The following TASP1 variants were observed in gnomAD, a reference collection of about 807,000 sequenced individuals.
TASP1 encodes taspase 1.
Under a neutral mutation model 56.6 loss-of-function variants are expected in TASP1, and 16 were observed. The observed-to-expected ratio is 0.28, with a 90% CI of 0.19 to 0.43. The LOEUF (loss-of-function observed/expected upper bound fraction) is 0.43, where lower values mean the gene tolerates loss of function less well. Ranked by LOEUF, TASP1 falls within the 20% of genes least tolerant of loss-of-function variation. The probability of loss-of-function intolerance (pLI) is 1.00; values close to 1 mark genes in which losing one functional copy is unlikely to be tolerated. For missense variants in TASP1, 393 were observed against 511.6 expected (o/e 0.77, Z 2.24); for synonymous variants, 179 against 184.2 (o/e 0.97, Z 0.23).
chr20:13,586,569 T>G lies in TASP1; in HGVS notation c.403+681A>C, dbSNP rs539689410. On this transcript the variant is annotated intron_variant, in intron 5 of 13. Coordinates refer to ENST00000337743, the MANE Select transcript of TASP1 (RefSeq NM_017714.3). ...TCCTTCCAGGATTATGAAAATGTTC[T>G]ACCTTTTGACATGGAAATGTTTAAT... Among the ~76,000 whole-genome samples, 114 of 152,314 alleles carry G rather than the reference T, an allele frequency of 7.5e-4. 2 individuals carry two copies. The South Asian group carries it at 0.023, about 30-fold the overall frequency.
chr20:13,375,844 A>G, the TASP1 span, among the ~76,000 whole-genome samples: 2 of 150,720 alleles, frequency 1.3e-5, no homozygotes, highest in East Asian at 1.9e-4. Context: ...GTGATGATGA[A>G]TTTTTCATGT....
intron 10 of TASP1, among the ~76,000 whole-genome samples, chr20:13,495,936 C>T (rs6079086): frequency 0.64 from 97,207 of 151,994 alleles, 31,282 homozygotes; most frequent in Non-Finnish European, 0.67. Flanking sequence ...AAAACCAATA[C>T]ATAGATTCCA....
chr20:13,390,199 C>T lies in TASP1; in HGVS notation c.*161G>A. 1.6e-6 allele frequency: 1 copy of T among 626,244 alleles called. No homozygotes were observed. The highest frequency in any genetic ancestry group is 2.9e-5 in the East Asian group (1 of 34,454). 38.8% of individuals were successfully genotyped at this position (626,244 alleles called of 1,614,324 possible). ...GCTCACCCACCAAAGGCCCGCGTGT[C>T]ACTAAGCGCTAACTACAGCAGCACT... On this transcript the variant is annotated 3_prime_UTR_variant, in exon 14 of 14. Transcript: ENST00000337743.
At chr20:13,378,993 A>G in the TASP1 span, among the ~76,000 whole-genome samples, 1 of 152,172 alleles carries the variant, frequency 6.6e-6, no homozygotes, top group African/African-American at 2.4e-5. Context: ...GGGTCTCCTG[A>G]ATACAGCACA....
the TASP1 span, among the ~76,000 whole-genome samples, chr20:13,304,473 T>G: frequency 6.6e-6 from 1 of 152,164 alleles, no homozygotes; most frequent in Non-Finnish European, 1.5e-5. Flanking sequence ...AAACTACCCA[T>G]TGTCCAGTGC....
At chr20:13,627,407 C>T (rs2048930967) in intron 2 of TASP1, among the ~76,000 whole-genome samples, 1 of 152,102 alleles carries the variant, frequency 6.6e-6, no homozygotes, top group Admixed American at 6.6e-5. Context: ...CTTGCTGACC[C>T]CCAGCACCAA....
At chr20:13,507,111 C>T (rs185051482) in intron 10 of TASP1, among the ~76,000 whole-genome samples, 291 of 152,186 alleles carry the variant, frequency 1.9e-3, no homozygotes, top group Admixed American at 5.6e-3. Flanking sequence ...AGTTGCATTT[C>T]TATACACTAA....
the TASP1 span, among the ~76,000 whole-genome samples, chr20:13,377,258 G>T: frequency 6.6e-6 from 1 of 152,186 alleles, no homozygotes; most frequent in African/African-American, 2.4e-5. Context: ...TCGATACCTA[G>T]TTTATTGAGG....
intron 13 of TASP1, among the ~76,000 whole-genome samples, chr20:13,411,750 T>C (rs1274248427): frequency 6.6e-6 from 1 of 152,194 alleles, no homozygotes; most frequent in Non-Finnish European, 1.5e-5. Flanking sequence ...GACTTCTCTT[T>C]GTTTATAGGC....
the TASP1 span, among the ~76,000 whole-genome samples, chr20:13,137,106 C>T: frequency 6.7e-6 from 1 of 149,314 alleles, no homozygotes; most frequent in African/African-American, 2.4e-5. Context: ...CAAGAAGTTC[C>T]TCTTCAATCT....
intron 4 of TASP1, among the ~76,000 whole-genome samples, chr20:13,593,724 G>A (rs972213136): frequency 8.5e-5 from 13 of 152,344 alleles, no homozygotes; most frequent in Non-Finnish European, 1.8e-4. Context: ...GGAGCCCACC[G>A]CAGCTCAGCA....
At chr20:13,203,493 A>ATTTTATAG in the TASP1 span, among the ~76,000 whole-genome samples, 1 of 152,218 alleles carries the variant, frequency 6.6e-6, no homozygotes, top group Non-Finnish European at 1.5e-5. Context: ...CTACTGAAAG[A>ATTTTATAG]TTTTATAGTT....
the TASP1 span, among the ~76,000 whole-genome samples, chr20:13,345,397 C>T: frequency 6.6e-6 from 1 of 152,210 alleles, no homozygotes; most frequent in Non-Finnish European, 1.5e-5. Flanking sequence ...ACGCCAAGCC[C>T]CTGGAACCAG....
chr20:13,504,035 C>T (rs1382182593), intron 10 of TASP1, among the ~76,000 whole-genome samples: 5 of 151,832 alleles, frequency 3.3e-5, no homozygotes, highest in African/African-American at 1.2e-4. Context: ...AGACACATAG[C>T]TTTTTTTTAA....
At chr20:13,546,012 T>A (rs898035561) in intron 8 of TASP1, among the ~76,000 whole-genome samples, 1 of 152,210 alleles carries the variant, frequency 6.6e-6, no homozygotes, top group African/African-American at 2.4e-5. Context: ...ATTTTGTTCT[T>A]CTAACACATA....
In TASP1 at chr20:13,390,159, C is replaced by G; in HGVS notation, c.*201G>C. On this transcript the variant is annotated 3_prime_UTR_variant, in exon 14 of 14. Coordinates refer to ENST00000337743, the MANE Select transcript of TASP1 (RefSeq NM_017714.3). ...ATATGTGCGCACATACGCGCACACA[C>G]TCACACACAGTCCCGCTCACCCACC... 2.2e-5 allele frequency: 12 copies of G among 548,134 alleles called. No homozygotes were observed. Among genetic ancestry groups the G allele is most frequent in the Non-Finnish European group, 3.3e-5 (10 of 302,114 alleles). 34.0% of individuals were successfully genotyped at this position (548,134 alleles called of 1,614,324 possible).
chr20:13,589,172 C>T (rs890603970), intron 4 of TASP1, among the ~76,000 whole-genome samples: 2 of 151,330 alleles, frequency 1.3e-5, no homozygotes, highest in Non-Finnish European at 2.9e-5. Flanking sequence ...ATTCTCCTGC[C>T]TCAGCCTCTT....
intron 6 of TASP1, among the ~76,000 whole-genome samples, chr20:13,578,348 T>C (rs973495681): frequency 2.0e-5 from 3 of 152,162 alleles, no homozygotes; most frequent in Admixed American, 1.3e-4. Flanking sequence ...CTTTTTCTTA[T>C]TGATATTTTA....
chr20:13,114,160 T>C, the TASP1 span, among the ~76,000 whole-genome samples: 1 of 152,250 alleles, frequency 6.6e-6, no homozygotes, highest in African/African-American at 2.4e-5. Context: ...ATTTGACCTT[T>C]ACCATTAACC....
Sources: allele counts gnomAD v4.1 joint callset (sites outside exome capture counted in the v4.1 genomes callset), GRCh38; gene constraint gnomAD v4.1.1; transcripts MANE v1.5; gene names NCBI Gene and HGNC (gene_info 2026-07-23, HGNC 2026-07-21).